The following MBD3 variants were observed in gnomAD, a reference collection of about 807,000 sequenced individuals.
MBD3 encodes methyl-CpG-binding domain protein 3.
In MBD3, 13 loss-of-function variants were observed where a neutral mutation model predicts 31.2. The observed-to-expected ratio is 0.42, with a 90% CI of 0.27 to 0.66. The LOEUF is 0.66. Ranked by LOEUF, MBD3 falls within the 30% of genes least tolerant of loss-of-function variation. The probability of loss-of-function intolerance (pLI) is 0.26; values close to 1 mark genes in which losing one functional copy is unlikely to be tolerated. For synonymous variants in MBD3, 223 were observed against 187.4 expected, an observed-to-expected ratio of 1.19 and a Z score of -1.55; for missense variants, 440 against 426.5, an observed-to-expected ratio of 1.03 and a Z score of -0.28.
In MBD3 at chr19:1,591,698, G is replaced by GAAA. The variant is rs549891651; in HGVS notation, c.110+821_110+823dup. Among the ~76,000 whole-genome samples, 797 of 139,140 alleles carry GAAA rather than the reference G, an allele frequency of 5.7e-3. 4 individuals are homozygous for GAAA. Among genetic ancestry groups the GAAA allele is most frequent in the Middle Eastern group, 0.022 (6 of 270 alleles). The allele number at this position is 139,140 out of a possible 152,430, so 91.3% of individuals were successfully genotyped here. ...ATCAAAAGCATCTTTCCCGAGCCAGGAAAAAAAAAAAAAAGAGGACAAACA... is the reference window on the plus strand; with the variant it reads ...ATCAAAAGCATCTTTCCCGAGCCAGGAAAAAAAAAAAAAAAAAGAGGACAAACA... On this transcript the variant is annotated intron_variant, in intron 1 of 6. Coordinates refer to ENST00000434436, the MANE Select transcript of MBD3 (RefSeq NM_001281453.2).
In MBD3 at chr19:1,584,391, C is replaced by T. The variant is rs1014198821; in HGVS notation, c.408+149G>A. On this transcript the variant is annotated intron_variant, in intron 3 of 6. Transcript: ENST00000434436. ...GCCACCACGTCCAGCTAATTTTTTA[C>T]TTGTTTTTTGCCTCGTCATGTTGCC... 4.1e-6 allele frequency: 5 copies of T among 1,231,420 alleles called. No individual in the cohort carries two copies. In the East Asian group the frequency reaches 1.2e-4, roughly 29 times the overall value. 76.3% of individuals were successfully genotyped at this position (1,231,420 alleles called of 1,614,324 possible).
At chr19:1,588,810 G>A (rs565273395) in intron 1 of MBD3, among the ~76,000 whole-genome samples, 1 of 148,112 alleles carries the variant, frequency 6.8e-6, no homozygotes, top group South Asian at 2.1e-4. Context: ...AAGGTGTAAG[G>A]CGAACAAGAG....
Position 1,578,680 on chromosome 19 carries a change from A to AC in MBD3, c.678-143dup. The AC allele has an allele frequency of 6.5e-7, 1 of 1,528,486 alleles. No homozygotes were observed. Among genetic ancestry groups the AC allele is most frequent in the Non-Finnish European group, 8.9e-7 (1 of 1,122,846 alleles). The allele number at this position is 1,528,486 out of a possible 1,614,324, so 94.7% of individuals were successfully genotyped here. A position where few individuals can be genotyped will look rare whatever the true frequency, so the allele number is the denominator to read the frequency against. ...CCCAGGACCAGCCCTGGCCCGTGCC[A>AC]CCCCTCCCTTCACAATCCACGCAGA... is the stretch of plus-strand genomic sequence containing the variant. On this transcript the variant is annotated intron_variant, in intron 5 of 6. Transcript: ENST00000434436. The surrounding 1 kb of genome is among the most constrained non-coding windows in gnomAD (Gnocchi z 6.1).
chr19:1,582,523 AG>A, intron 4 of MBD3, 98 bp downstream of exon 4: 1 of 1,168,492 alleles, frequency 8.6e-7, no homozygotes, highest in Non-Finnish European at 1.3e-6. Context: ...CACCCAAAGC[AG>A]GAACAGCCAT....
At chr19:1,583,532 C>CT (rs1046633070) in intron 3 of MBD3, among the ~76,000 whole-genome samples, 5 of 151,838 alleles carry the variant, frequency 3.3e-5, no homozygotes, top group African/African-American at 7.3e-5. Context: ...CAGCGGCAGA[C>CT]TGAAAATATT....
chr19:1,581,553 G>A, intron 4 of MBD3: 1 of 512,598 alleles, frequency 2.0e-6, no homozygotes, highest in Non-Finnish European at 3.5e-6. Context: ...GACCAGCCTG[G>A]ACAACACAGT....
In MBD3 at chr19:1,585,295, T is replaced by A; in HGVS notation, c.111-81A>T. ...GCCTCGGCCGCAGACCCAAACCCAG[T>A]CCCAGCCCCAGCTTCAGGTCGCGAC... is the stretch of plus-strand genomic sequence containing the variant. On this transcript the variant is annotated intron_variant, in intron 1 of 6. Transcript: ENST00000434436. The surrounding 1 kb of genome is among the most constrained non-coding windows in gnomAD (Gnocchi z 4.1). 1 of 1,471,286 alleles carries A rather than the reference T, an allele frequency of 6.8e-7. No homozygotes were observed. The highest frequency in any genetic ancestry group is 9.1e-7 in the Non-Finnish European group (1 of 1,096,220). 91.1% of individuals were successfully genotyped at this position (1,471,286 alleles called of 1,614,324 possible).
chr19:1,585,348 G>A lies in MBD3; in HGVS notation c.111-134C>T. 1.0e-6 allele frequency: 1 copy of A among 995,378 alleles called. No homozygotes were observed. Among genetic ancestry groups the A allele is most frequent in the Non-Finnish European group, 1.5e-6 (1 of 685,268 alleles). The allele number at this position is 995,378 out of a possible 1,614,324, so 61.7% of individuals were successfully genotyped here. ...CAGCCCCAGACCCCAACACGGCCCTGACCCCAAACCCAGGCAGGCCCTGGC... is the reference window on the plus strand; with the variant it reads ...CAGCCCCAGACCCCAACACGGCCCTAACCCCAAACCCAGGCAGGCCCTGGC... On this transcript the variant is annotated intron_variant, in intron 1 of 6. Coordinates refer to ENST00000434436, the MANE Select transcript of MBD3 (RefSeq NM_001281453.2). This position sits in a 1 kb window ranked among gnomAD's most constrained non-coding sequence, Gnocchi z 4.1.
chr19:1,583,853 G>A (rs771107499), intron 3 of MBD3, among the ~76,000 whole-genome samples: 3 of 152,020 alleles, frequency 2.0e-5, no homozygotes, highest in African/African-American at 4.8e-5. Flanking sequence ...ACCGGGTCTC[G>A]CTCTGTCGCC....
rs1568272682 is a variant in MBD3, at chr19:1,577,980, C to A, written c.*184G>T. On this transcript the variant is annotated 3_prime_UTR_variant, in exon 7 of 7. Transcript: ENST00000434436. ...GGAGGGTCTTTCGGGTGGGGGCAGC[C>A]CCAGCTGTGTGCCCCGAGGCCCCGG... 2.4e-5 allele frequency: 10 copies of A among 410,936 alleles called. No homozygotes were observed. The highest frequency in any genetic ancestry group is 4.1e-5 in the Non-Finnish European group (9 of 220,132). The allele number at this position is 410,936 out of a possible 1,614,324, so 25.5% of individuals were successfully genotyped here. A position where few individuals can be genotyped will look rare whatever the true frequency, so the allele number is the denominator to read the frequency against.
Position 1,577,414 on chromosome 19 carries a change from A to C in MBD3, c.*750T>G, listed in dbSNP as rs1170507009. 1 of 152,240 alleles carries C rather than the reference A, an allele frequency of 6.6e-6. No individual in the cohort carries two copies. Among genetic ancestry groups the C allele is most frequent in the African/African-American group, 2.4e-5 (1 of 41,456 alleles). 9.4% of individuals were successfully genotyped at this position (152,240 alleles called of 1,614,324 possible). A position where few individuals can be genotyped will look rare whatever the true frequency, so the allele number is the denominator to read the frequency against. On this transcript the variant is annotated 3_prime_UTR_variant, in exon 7 of 7. Coordinates refer to ENST00000434436, the MANE Select transcript of MBD3 (RefSeq NM_001281453.2). ...AAAGCTGGGTGCCTGTGTCGCCACT[A>C]AACAGAAGGGAAACCGAGGCAGGGG...
chr19:1,592,406 A>G (rs2060708982), intron 1 of MBD3, 116 bp downstream of exon 1: 1 of 258,062 alleles, frequency 3.9e-6, no homozygotes, highest in African/African-American at 2.3e-5. Context: ...GCACGCACGC[A>G]CGCACGACGC....
rs1219810674 is a variant in MBD3 at position 1,592,703 on chromosome 19, AGCTGCCTCCGCTGCC to A, written c.-87_-73del. ...GACCCCCACTCGCCGCCGCCGCCTC[AGCTGCCTCCGCTGCC>A]GCTGCCGCCGCCGCCACTTGCCGCG... On this transcript the variant is annotated 5_prime_UTR_variant, in exon 1 of 7. Coordinates refer to ENST00000434436, the MANE Select transcript of MBD3 (RefSeq NM_001281453.2). 1 of 464,128 alleles carries A rather than the reference AGCTGCCTCCGCTGCC, an allele frequency of 2.2e-6. No homozygotes were observed. Among genetic ancestry groups the A allele is most frequent in the Non-Finnish European group, 2.9e-6 (1 of 347,736 alleles). The allele number at this position is 464,128 out of a possible 1,614,324, so 28.8% of individuals were successfully genotyped here.
chr19:1,578,120 G>T lies in MBD3; in HGVS notation c.*44C>A. 1.4e-6 allele frequency: 1 copy of T among 699,062 alleles called. No individual in the cohort carries two copies. Among genetic ancestry groups the T allele is most frequent in the East Asian group, 2.7e-5 (1 of 36,638 alleles). 43.3% of individuals were successfully genotyped at this position (699,062 alleles called of 1,614,324 possible). A position where few individuals can be genotyped will look rare whatever the true frequency, so the allele number is the denominator to read the frequency against. On this transcript the variant is annotated 3_prime_UTR_variant, in exon 7 of 7. Coordinates refer to ENST00000434436, the MANE Select transcript of MBD3 (RefSeq NM_001281453.2). The surrounding 1 kb of genome is among the most constrained non-coding windows in gnomAD (Gnocchi z 6.1). ...CGTGGGGCCGAGGACCGCGTCTGCAGGCGGCTCCAGCAGGCAGCACGGGCT... is the reference window on the plus strand; with the variant it reads ...CGTGGGGCCGAGGACCGCGTCTGCATGCGGCTCCAGCAGGCAGCACGGGCT...
rs2060675270 is a variant in MBD3 at position 1,585,519 on chromosome 19, CATCGG to C, written c.111-310_111-306del. On this transcript the variant is annotated intron_variant, in intron 1 of 6. Transcript: ENST00000434436. This position sits in a 1 kb window ranked among gnomAD's most constrained non-coding sequence, Gnocchi z 4.1. ...ACCCTGGCCCTAGCCCCAGCCTCCA[CATCGG>C]ATCCTTGCTCCAGACCCCCAACCCC... is the stretch of plus-strand genomic sequence containing the variant. 4 of 423,368 alleles carry C rather than the reference CATCGG, an allele frequency of 9.4e-6. No homozygotes were observed. The Admixed American group carries it at 1.5e-4, about 16-fold the overall frequency. The allele number at this position is 423,368 out of a possible 1,614,324, so 26.2% of individuals were successfully genotyped here.
chr19:1,581,770 TC>T, intron 4 of MBD3: 2 of 193,904 alleles, frequency 1.0e-5, no homozygotes, highest in South Asian at 7.4e-5. Context: ...TTGCTCTGTA[TC>T]TTTTTTTTTT....
At chr19:1,579,602 C>A (rs1332366366) in intron 5 of MBD3, among the ~76,000 whole-genome samples, 4 of 152,112 alleles carry the variant, frequency 2.6e-5, no homozygotes, top group African/African-American at 7.2e-5. Flanking sequence ...GGTCTCTCTC[C>A]AGCGGCTCCT....
intron 2 of MBD3, 146 bp downstream of exon 2, chr19:1,584,909 G>C: frequency 3.2e-6 from 4 of 1,244,508 alleles, no homozygotes; most frequent in Middle Eastern, 2.7e-4. Context: ...GCACCCTGTG[G>C]CCTGCGCCTT....
At chr19:1,581,484 T>C (rs1917353031) in intron 4 of MBD3, 1 of 611,298 alleles carries the variant, frequency 1.6e-6, no homozygotes, top group Non-Finnish European at 2.9e-6. Flanking sequence ...GACTCCCGCC[T>C]GTAATCCCAG....
Sources: gnomAD v4.1 joint callset for allele counts (sites outside exome capture counted in the v4.1 genomes callset) on GRCh38, gnomAD v4.1.1 for gene constraint, Gnocchi (gnomAD v3.1) non-coding constraint, MANE v1.5 for transcripts, NCBI Gene and HGNC (gene_info 2026-07-23, HGNC 2026-07-21) for gene names.